ELAVL1: variants seen among roughly 807,000 people sequenced by gnomAD.
ELAVL1 encodes ELAV like RNA binding protein 1, also known as ELAV-like protein 1.
In ELAVL1, 1 loss-of-function variant was observed where a neutral mutation model predicts 28.4. The observed-to-expected ratio is 0.04, with a 90% CI of 0.01 to 0.17. The LOEUF is 0.17. Ranked by LOEUF, ELAVL1 falls within the 10% of genes least tolerant of loss-of-function variation. The pLI, the probability that ELAVL1 is intolerant of heterozygous loss-of-function variation, is 1.00. For missense variants in ELAVL1, 157 were observed against 447.2 expected (o/e 0.35, Z 5.85); for synonymous variants, 174 against 183.5 (o/e 0.95, Z 0.42).
chr19:7,988,799 C>T (rs796717249), intron 2 of ELAVL1, among the ~76,000 whole-genome samples: 2 of 152,198 alleles, frequency 1.3e-5, no homozygotes, highest in Non-Finnish European at 2.9e-5. Flanking sequence ...GGAGGAACTC[C>T]GAGCTAGAGG....
chr19:7,972,799 C>CTTT (rs1985154248), intron 4 of ELAVL1: 1 of 76,428 alleles, frequency 1.3e-5, no homozygotes, highest in Admixed American at 1.6e-4. Flanking sequence ...GCTGCAGTAT[C>CTTT]CTTTTTTTTT....
chr19:7,996,327 G>A (rs1382577444), intron 1 of ELAVL1, among the ~76,000 whole-genome samples: 2 of 151,750 alleles, frequency 1.3e-5, no homozygotes, highest in Admixed American at 1.3e-4. Context: ...GACTACAGGC[G>A]CCCGCCACCA....
intron 2 of ELAVL1, among the ~76,000 whole-genome samples, chr19:7,986,020 T>A (rs1188090373): frequency 6.6e-6 from 1 of 152,228 alleles, no homozygotes; most frequent in African/African-American, 2.4e-5. Flanking sequence ...CCGCCCACAC[T>A]GGGCAAACAC....
intron 1 of ELAVL1, among the ~76,000 whole-genome samples, chr19:8,004,275 C>A (rs1340716185): frequency 6.6e-6 from 1 of 152,228 alleles, no homozygotes; most frequent in African/African-American, 2.4e-5. Flanking sequence ...ACACTTTTGT[C>A]CTTCCCATTT....
Position 7,967,593 on chromosome 19 carries a change from G to C in ELAVL1, c.628C>G (p.Pro210Ala), listed in dbSNP as rs1890584858. The stretch of plus-strand genomic sequence containing the variant: ...AATCTCTGCGCCTGGTGGTGAACGG[G>C]GCCTCCGAACCGTCGCGCTGGCGAG... ...YHSPARRFGG[P>A]VHHQAQRFRF... The change falls in exon 5 of 6, where the codon CCC (proline) becomes GCC (alanine). Residue 210 changes from proline to alanine, a missense_variant. Coordinates refer to ENST00000407627, the MANE Select transcript of ELAVL1 (RefSeq NM_001419.3). 22 of 1,614,002 alleles carry C rather than the reference G, an allele frequency of 1.4e-5. No homozygotes were observed. Among genetic ancestry groups the C allele is most frequent in the Non-Finnish European group, 1.9e-5 (22 of 1,179,948 alleles).
intron 2 of ELAVL1, among the ~76,000 whole-genome samples, chr19:7,983,041 C>T (rs182099306): frequency 3.7e-4 from 56 of 152,296 alleles, no homozygotes; most frequent in Non-Finnish European, 6.3e-4. Context: ...CTGCCCTCCG[C>T]GGAAGGAAGT....
intron 2 of ELAVL1, among the ~76,000 whole-genome samples, chr19:7,988,984 G>A (rs1267765963): frequency 3.3e-5 from 5 of 152,224 alleles, no homozygotes; most frequent in African/African-American, 1.2e-4. Context: ...CATCAGCTGA[G>A]GGTGAAGGGG....
intron 1 of ELAVL1, among the ~76,000 whole-genome samples, chr19:8,001,267 G>A (rs1049837869): frequency 4.0e-5 from 6 of 151,748 alleles, no homozygotes; most frequent in South Asian, 4.2e-4. Flanking sequence ...AACCGCCTCC[G>A]CCCCCTGAAT....
chr19:7,988,687 G>T (rs1028226117), intron 2 of ELAVL1, among the ~76,000 whole-genome samples: 3 of 152,238 alleles, frequency 2.0e-5, no homozygotes, highest in Admixed American at 6.5e-5. Flanking sequence ...TCACCACTGG[G>T]ATGTCACTAC....
chr19:7,963,372 A>G lies in ELAVL1; in HGVS notation c.*111T>C, dbSNP rs1395763625. ...AAACCTTCTCACTTCTCATTCAGAC[A>G]AAGACAAACACTTGTGAAAATTGGC... On this transcript the variant is annotated 3_prime_UTR_variant, in exon 6 of 6. Coordinates refer to ENST00000407627, the MANE Select transcript of ELAVL1 (RefSeq NM_001419.3). This position sits in a 1 kb window ranked among gnomAD's most constrained non-coding sequence, Gnocchi z 4.5. The G allele has an allele frequency of 7.6e-7, 1 of 1,310,776 alleles. No individual in the cohort carries two copies. The highest frequency in any genetic ancestry group is 1.5e-5 in the African/African-American group (1 of 67,570). 81.2% of individuals were successfully genotyped at this position (1,310,776 alleles called of 1,614,324 possible). A position where few individuals can be genotyped will look rare whatever the true frequency, so the allele number is the denominator to read the frequency against.
Position 7,967,711 on chromosome 19 carries a change from A to C in ELAVL1, c.510T>G (p.His170Gln). 1 of 1,614,178 alleles carries C rather than the reference A, an allele frequency of 6.2e-7. No individual in the cohort carries two copies. The highest frequency in any genetic ancestry group is 8.5e-7 in the Non-Finnish European group (1 of 1,180,042). ...TGGGCTCAGAGGAACCTGGGGGTTT[A>C]TGACCATTGAAACTGGTAATTGCCT... ...AEEAITSFNG[H>Q]KPPGSSEPIT... The change falls in exon 5 of 6, where the codon CAT becomes CAG. Residue 170 changes from histidine to glutamine, a missense_variant. Around this residue, in one of 4 missense-constraint regions of ELAVL1, gnomAD observed 107 missense variants for 310.4 expected, o/e 0.34. Coordinates refer to ENST00000407627, the MANE Select transcript of ELAVL1 (RefSeq NM_001419.3).
intron 2 of ELAVL1, among the ~76,000 whole-genome samples, chr19:7,986,778 T>C (rs909877138): frequency 6.6e-6 from 1 of 152,092 alleles, no homozygotes; most frequent in African/African-American, 2.4e-5. Flanking sequence ...TTCAGCGAAG[T>C]GGAAAAATGT....
At chr19:7,970,655 C>A (rs1985081937) in intron 4 of ELAVL1, among the ~76,000 whole-genome samples, 1 of 152,094 alleles carries the variant, frequency 6.6e-6, no homozygotes, top group Non-Finnish European at 1.5e-5. Context: ...CTATAAAGTT[C>A]ACAATTAAGG....
intron 5 of ELAVL1, among the ~76,000 whole-genome samples, chr19:7,967,272 C>T (rs1218134140): frequency 2.0e-5 from 3 of 152,158 alleles, no homozygotes; most frequent in South Asian, 2.1e-4. Flanking sequence ...TGGGCTCAAT[C>T]GATCTTCCTC....
In ELAVL1 at chr19:7,960,407, T is replaced by C. The variant is rs1174142323; in HGVS notation, c.*3076A>G. Reference sequence around the variant, plus strand: ...CCGAGGAAGCCCATGAATTTCAGGATATTCACGCAGGATGGTGGCCGGGGA... The same window carrying C: ...CCGAGGAAGCCCATGAATTTCAGGACATTCACGCAGGATGGTGGCCGGGGA... On this transcript the variant is annotated 3_prime_UTR_variant, in exon 6 of 6. Coordinates refer to ENST00000407627, the MANE Select transcript of ELAVL1 (RefSeq NM_001419.3). The C allele has an allele frequency of 1.3e-5, 2 of 152,112 alleles. No homozygotes were observed. The highest frequency in any genetic ancestry group is 4.2e-4 in the South Asian group (2 of 4,818). The allele number at this position is 152,112 out of a possible 1,614,324, so 9.4% of individuals were successfully genotyped here.
rs565136911 is a variant in ELAVL1 at position 7,982,426 on chromosome 19, C to A, written c.173-1240G>T. 2.0e-5 allele frequency among the ~76,000 whole-genome samples: 3 copies of A among 152,336 alleles called. No individual in the cohort carries two copies. The highest frequency in any genetic ancestry group is 7.2e-5 in the African/African-American group (3 of 41,574). ...GGAGCCCCACTGAGGCAGAGATCCT[C>A]CTGGCAGCTGGGCCAGGGACATCCA... On this transcript the variant is annotated intron_variant, in intron 2 of 5. Coordinates refer to ENST00000407627, the MANE Select transcript of ELAVL1 (RefSeq NM_001419.3). The surrounding 1 kb of genome is among the most constrained non-coding windows in gnomAD (Gnocchi z 4.3).
intron 5 of ELAVL1, among the ~76,000 whole-genome samples, chr19:7,964,991 C>A (rs908619017): frequency 1.3e-5 from 2 of 152,250 alleles, no homozygotes; most frequent in Admixed American, 6.5e-5. Flanking sequence ...CAGGCCCCAG[C>A]CGGGGTAAAC....
At chr19:7,989,113 G>T (rs1488745184) in intron 2 of ELAVL1, among the ~76,000 whole-genome samples, 1 of 152,188 alleles carries the variant, frequency 6.6e-6, no homozygotes. Context: ...CTGCCTGGCC[G>T]GGTGAGAGGC....
At chr19:7,968,369 C>G (rs1410544293) in intron 4 of ELAVL1, among the ~76,000 whole-genome samples, 2 of 152,228 alleles carry the variant, frequency 1.3e-5, no homozygotes, top group Admixed American at 1.3e-4. Context: ...CTGTGGCCAC[C>G]CCCTGCCAGC....
Sources: allele counts gnomAD v4.1 joint callset (sites outside exome capture counted in the v4.1 genomes callset), GRCh38; gene constraint gnomAD v4.1.1; regional missense constraint gnomAD v4.1.1; non-coding constraint Gnocchi (gnomAD v3.1); transcripts MANE v1.5; gene names NCBI Gene and HGNC (gene_info 2026-07-23, HGNC 2026-07-21).